The following CFAP77 variants were observed in gnomAD, a reference collection of about 807,000 sequenced individuals.
The protein encoded by CFAP77 is cilia and flagella associated protein 77.
CFAP77 carries 25 observed loss-of-function variants against 31.1 expected under a neutral mutation model. That is an observed-to-expected ratio of 0.80 (90% confidence interval 0.59 to 1.12). The LOEUF is 1.12. CFAP77 is among the 50% of genes most tolerant of loss of function. The pLI is 0.00. For missense variants in CFAP77, 377 were observed against 397.3 expected, an observed-to-expected ratio of 0.95 and a Z score of 0.44; for synonymous variants, 151 against 159.9, an observed-to-expected ratio of 0.94 and a Z score of 0.42.
chr9:132,422,714 G>A (rs1850240493), intron 1 of CFAP77, among the ~76,000 whole-genome samples: 1 of 152,174 alleles, frequency 6.6e-6, no homozygotes, highest in African/African-American at 2.4e-5. Flanking sequence ...GGTCAAAGCA[G>A]GGGGAATACA....
intron 5 of CFAP77, among the ~76,000 whole-genome samples, chr9:132,548,545 G>A (rs1467207148): frequency 6.6e-6 from 1 of 152,202 alleles, no homozygotes; most frequent in Non-Finnish European, 1.5e-5. Context: ...CCTCAGGCAT[G>A]AAGGTCAGGG....
At position 132,491,550 on chromosome 9, in the gene CFAP77, C is replaced by T. The variant is rs527779389; in HGVS notation, c.196-7145C>T. Among the ~76,000 whole-genome samples the T allele has an allele frequency of 3.8e-4, 58 of 152,296 alleles. 1 individual carries two copies. Among genetic ancestry groups the T allele is most frequent in the African/African-American group, 1.4e-3 (57 of 41,550 alleles). On this transcript the variant is annotated intron_variant, in intron 1 of 5. Coordinates refer to ENST00000393216, the MANE Select transcript of CFAP77 (RefSeq NM_001282957.2). ...GTAGAAAAGTGCTCAGCAAGCCCTT[C>T]GGATTGATGATGTTTGTTTTTACCT...
intron 1 of CFAP77, among the ~76,000 whole-genome samples, chr9:132,467,283 G>T (rs72765892): frequency 6.6e-6 from 1 of 152,088 alleles, no homozygotes; most frequent in Non-Finnish European, 1.5e-5. Flanking sequence ...TTTGTGTAAT[G>T]GATCTCTAAA....
chr9:132,487,179 C>T (rs1004850447), intron 1 of CFAP77, among the ~76,000 whole-genome samples: 1 of 152,196 alleles, frequency 6.6e-6, no homozygotes, highest in Non-Finnish European at 1.5e-5. Flanking sequence ...GGGCCAGGTA[C>T]CATGAAACAC....
intron 1 of CFAP77, among the ~76,000 whole-genome samples, chr9:132,444,188 A>T (rs567020940): frequency 7.6e-4 from 116 of 152,366 alleles, no homozygotes; most frequent in African/African-American, 2.2e-3. Context: ...ATCAGCTTGC[A>T]CATGGAAGCC....
At chr9:132,496,491 A>G (rs1044583383) in intron 1 of CFAP77, among the ~76,000 whole-genome samples, 1 of 152,220 alleles carries the variant, frequency 6.6e-6, no homozygotes, top group East Asian at 1.9e-4. Flanking sequence ...CACGGCTACA[A>G]TCATTCCATC....
At chr9:132,512,807 C>T (rs1852062678) in intron 3 of CFAP77, among the ~76,000 whole-genome samples, 2 of 152,120 alleles carry the variant, frequency 1.3e-5, no homozygotes, top group Non-Finnish European at 2.9e-5. Flanking sequence ...ATCAGCCAAG[C>T]GTGGTGGCAG....
intron 1 of CFAP77, among the ~76,000 whole-genome samples, chr9:132,485,135 C>T (rs566559951): frequency 2.9e-4 from 44 of 152,318 alleles, no homozygotes; most frequent in Admixed American, 6.5e-4. Flanking sequence ...CAGATGTGTT[C>T]ATTGTATAAC....
At chr9:132,453,629 C>T (rs895549581) in intron 1 of CFAP77, among the ~76,000 whole-genome samples, 3 of 152,180 alleles carry the variant, frequency 2.0e-5, no homozygotes, top group African/African-American at 7.2e-5. Context: ...TTAAAAACCC[C>T]ACAGAAACCG....
Position 132,488,005 on chromosome 9 carries a change from TG to T in CFAP77, c.196-10687del, listed in dbSNP as rs545194942. The stretch of plus-strand genomic sequence containing the variant: ...TGGTATGTGTGTGCCTATGTATGCA[TG>T]GGTCTAGCTATATACAGATATTTAT... On this transcript the variant is annotated intron_variant, in intron 1 of 5. Transcript: ENST00000393216. Among the ~76,000 whole-genome samples the T allele has an allele frequency of 1.2e-4, 19 of 152,340 alleles. No individual in the cohort carries two copies. In the East Asian group the frequency reaches 3.5e-3, roughly 28 times the overall value.
At chr9:132,448,929 C>T (rs1022548274) in intron 1 of CFAP77, among the ~76,000 whole-genome samples, 4 of 151,972 alleles carry the variant, frequency 2.6e-5, no homozygotes, top group South Asian at 2.1e-4. Flanking sequence ...TGGAGATACA[C>T]GAAGAGACCA....
At chr9:132,514,597 C>T (rs1852111737) in intron 3 of CFAP77, among the ~76,000 whole-genome samples, 1 of 152,146 alleles carries the variant, frequency 6.6e-6, no homozygotes, top group Admixed American at 6.5e-5. Context: ...GCCTTCCTTG[C>T]CGCCTGCTGC....
At chr9:132,416,723 C>T (rs1159556705) in intron 1 of CFAP77, among the ~76,000 whole-genome samples, 2 of 150,688 alleles carry the variant, frequency 1.3e-5, no homozygotes, top group Non-Finnish European at 2.9e-5. Flanking sequence ...CAGCAGCCTT[C>T]GCCTCCTGGG....
chr9:132,558,885 G>A (rs142382244), intron 5 of CFAP77, among the ~76,000 whole-genome samples: 65 of 151,206 alleles, frequency 4.3e-4, no homozygotes, highest in African/African-American at 1.3e-3. Context: ...GTGATGGCAC[G>A]CACCTGTAAT....
rs563086100 is a variant in CFAP77, at chr9:132,484,453, G to T, written c.196-14242G>T. On this transcript the variant is annotated intron_variant, in intron 1 of 5. Transcript: ENST00000393216. ...AATCTGCTTTCTGTCTCTTCAGATT[G>T]ACCTATTTGGACATTTTAAATGGGT... 1.7e-3 allele frequency among the ~76,000 whole-genome samples: 261 copies of T among 152,230 alleles called. 1 individual carries two copies. Among genetic ancestry groups the T allele is most frequent in the Non-Finnish European group, 2.3e-3 (158 of 68,008 alleles).
At chr9:132,530,136 C>CTTTTTTTTTTTTTTTTTTT (rs750962954) in intron 3 of CFAP77, among the ~76,000 whole-genome samples, 291 of 93,246 alleles carry the variant, frequency 3.1e-3, no homozygotes, top group Non-Finnish European at 3.7e-3. Context: ...TCTTTCTTTT[C>CTTTTTTTTTTTTTTTTTTT]TTTTTTTTTT....
chr9:132,520,948 A>G (rs957335544), intron 3 of CFAP77, among the ~76,000 whole-genome samples: 1 of 152,242 alleles, frequency 6.6e-6, no homozygotes, highest in Admixed American at 6.5e-5. Flanking sequence ...CCCTTTCAGT[A>G]TCACACAGAA....
intron 1 of CFAP77, among the ~76,000 whole-genome samples, chr9:132,454,074 T>G (rs529024498): frequency 1.3e-5 from 2 of 152,322 alleles, no homozygotes; most frequent in African/African-American, 2.4e-5. Flanking sequence ...TTATCGGGGT[T>G]CATTTTTTTT....
At chr9:132,519,466 A>G (rs187706814) in intron 3 of CFAP77, among the ~76,000 whole-genome samples, 56 of 694 alleles carry the variant, frequency 0.081, no homozygotes, top group Middle Eastern at 0.5. Flanking sequence ...GTGGGTGGGT[A>G]GATGGATGGA....
Sources: allele counts gnomAD v4.1 joint callset (sites outside exome capture counted in the v4.1 genomes callset), GRCh38; gene constraint gnomAD v4.1.1; transcripts MANE v1.5; gene names NCBI Gene and HGNC (gene_info 2026-07-23, HGNC 2026-07-21).